CCDC146: variants seen among roughly 807,000 people sequenced by gnomAD.
CCDC146 encodes the protein coiled-coil domain containing 146, also known as coiled-coil domain-containing protein 146.
A neutral mutation model predicts 119.3 loss-of-function variants in CCDC146; 92 were observed. The observed-to-expected ratio is 0.77, with a 90% CI of 0.65 to 0.92. The LOEUF (loss-of-function observed/expected upper bound fraction) is 0.92, where lower values mean the gene tolerates loss of function less well. Among genes scored for constraint, CCDC146 ranks in the 40% least tolerant of loss-of-function variants. The pLI, the probability that CCDC146 is intolerant of heterozygous loss-of-function variation, is 0.00. For missense variants in CCDC146, 1,000 were observed against 1,103.0 expected (o/e 0.91, Z 1.32); for synonymous variants, 372 against 371.8 (o/e 1.00, Z -0.01).
At chr7:77,242,255 G>A in intron 4 of CCDC146, 1 of 403,750 alleles carries the variant, frequency 2.5e-6, no homozygotes, top group Non-Finnish European at 3.7e-6. Context: ...CAGTACCAGA[G>A]CACGCATCTG....
intron 2 of CCDC146, among the ~76,000 whole-genome samples, chr7:77,219,863 G>A (rs927626873): frequency 3.9e-5 from 6 of 152,162 alleles, no homozygotes; most frequent in African/African-American, 1.4e-4. Context: ...GAGATCACAT[G>A]CTTCAAAGGT....
intron 4 of CCDC146, among the ~76,000 whole-genome samples, chr7:77,251,030 GTTGT>G (rs1793051237): frequency 2.7e-5 from 3 of 110,964 alleles, no homozygotes; most frequent in Non-Finnish European, 5.8e-5. Flanking sequence ...TGTGTGTTTG[GTTGT>G]TTGTTTTTGA....
In CCDC146 at chr7:77,282,693, A is replaced by AT. The variant is rs776475812; in HGVS notation, c.2058dup (p.Ala687CysfsTer2). 316 of 1,614,072 alleles carry AT rather than the reference A, an allele frequency of 2.0e-4. 1 individual carries two copies. The highest frequency in any genetic ancestry group is 4.0e-4 in the Admixed American group (24 of 60,012). On this transcript the variant is annotated frameshift_variant, in exon 15 of 19. Coordinates refer to ENST00000285871, the MANE Select transcript of CCDC146 (RefSeq NM_020879.3). LOFTEE classifies it high-confidence loss of function. ...AAAGATCCAATTCCTGAAAATGAAG[A>AT]TTGCTGAGAAGCAAAGACAAATTTG... is the stretch of plus-strand genomic sequence containing the variant.
chr7:77,202,315 T>C (rs1376768160), intron 2 of CCDC146, among the ~76,000 whole-genome samples: 2 of 152,206 alleles, frequency 1.3e-5, no homozygotes, highest in Non-Finnish European at 2.9e-5. Context: ...AATGAAATCT[T>C]AAGTACTTTT....
intron 1 of CCDC146, among the ~76,000 whole-genome samples, chr7:77,154,840 A>G (rs556145211): frequency 3.3e-5 from 5 of 152,102 alleles, no homozygotes; most frequent in Non-Finnish European, 1.5e-5. Flanking sequence ...GGCTGGGTCA[A>G]ATGGTATTTC....
At position 77,192,429 on chromosome 7, in the gene CCDC146, C is replaced by T. The variant is rs549637261; in HGVS notation, c.156+24605C>T. Among the ~76,000 whole-genome samples the T allele has an allele frequency of 2.6e-5, 4 of 152,282 alleles. No homozygotes were observed. In the East Asian group the frequency reaches 5.8e-4, roughly 22 times the overall value. ...CAGCTCCTGAGTTCCTGCTGTTAAT[C>T]ATGGGTGATAAGACAAAACCCAGTG... On this transcript the variant is annotated intron_variant, in intron 2 of 18. Transcript: ENST00000285871.
intron 17 of CCDC146, among the ~76,000 whole-genome samples, chr7:77,290,341 C>G (rs923116448): frequency 6.6e-6 from 1 of 151,504 alleles, no homozygotes; most frequent in Non-Finnish European, 1.5e-5. Flanking sequence ...CAAATCTGCA[C>G]GTTGTGCACA....
chr7:77,277,383 C>T (rs1407956737), intron 11 of CCDC146, among the ~76,000 whole-genome samples: 1 of 152,136 alleles, frequency 6.6e-6, no homozygotes, highest in Non-Finnish European at 1.5e-5. Context: ...TAAAGCAAAC[C>T]TCATTATTAA....
intron 1 of CCDC146, among the ~76,000 whole-genome samples, chr7:77,134,158 T>C (rs1165888222): frequency 1.4e-5 from 2 of 143,694 alleles, no homozygotes; most frequent in African/African-American, 2.6e-5. Context: ...ACTGGATTTA[T>C]TGAAAAAAAA....
intron 18 of CCDC146, among the ~76,000 whole-genome samples, chr7:77,294,168 C>G (rs1344069540): frequency 1.3e-5 from 2 of 152,178 alleles, no homozygotes; most frequent in Non-Finnish European, 2.9e-5. Flanking sequence ...TCTACCTCTT[C>G]CATTGTAACT....
At chr7:77,128,003 T>TA (rs1157951468) in intron 1 of CCDC146, among the ~76,000 whole-genome samples, 8 of 152,128 alleles carry the variant, frequency 5.3e-5, no homozygotes, top group Admixed American at 1.3e-4. Flanking sequence ...TTTGGTTCTT[T>TA]AAAAAATCTA....
chr7:77,244,605 A>G (rs113302984), intron 4 of CCDC146, among the ~76,000 whole-genome samples: 6 of 152,358 alleles, frequency 3.9e-5, no homozygotes, highest in African/African-American at 1.4e-4. Context: ...TCTATAGCCT[A>G]GGTGCAGTAG....
Position 77,286,901 on chromosome 7 carries a change from A to G in CCDC146, c.2252A>G (p.Lys751Arg), listed in dbSNP as rs762654108. Residue 751 changes from lysine to arginine, a missense_variant, in exon 16 of 19, where the codon AAA becomes AGA. By Grantham distance (26) the Lys-to-Arg change is conservative. This residue lies in a region of CCDC146 where 985 missense variants were observed against 1,045.3 expected (regional missense o/e 0.94). Coordinates refer to ENST00000285871, the MANE Select transcript of CCDC146 (RefSeq NM_020879.3). ...RFLPGKDLTE[K>R]EMIQKLDKLE... The stretch of plus-strand genomic sequence containing the variant: ...CTTCCAGGGAAAGATCTGACCGAAA[A>G]AGAAATGATCCAAAAATTAGACAAG... The G allele has an allele frequency of 6.2e-7, 1 of 1,614,054 alleles. No individual in the cohort carries two copies. The highest frequency in any genetic ancestry group is 1.7e-5 in the Admixed American group (1 of 60,008).
chr7:77,137,512 C>A (rs187439649), intron 1 of CCDC146, among the ~76,000 whole-genome samples: 2 of 143,946 alleles, frequency 1.4e-5, no homozygotes, highest in Admixed American at 6.8e-5. Flanking sequence ...TCCATTAGAA[C>A]CCCTTAAAGT....
intron 4 of CCDC146, among the ~76,000 whole-genome samples, chr7:77,252,773 A>G (rs564086307): frequency 2.6e-5 from 4 of 152,358 alleles, no homozygotes; most frequent in Admixed American, 6.5e-5. Context: ...GAAGAACTCA[A>G]TGGAATTTTG....
At chr7:77,268,499 C>T (rs939771459) in intron 9 of CCDC146, among the ~76,000 whole-genome samples, 1 of 152,174 alleles carries the variant, frequency 6.6e-6, no homozygotes, top group African/African-American at 2.4e-5. Context: ...CTGCACTGCT[C>T]TCATTCTAGG....
chr7:77,190,612 G>GGGCCC (rs1791746079), intron 2 of CCDC146, among the ~76,000 whole-genome samples: 1 of 152,162 alleles, frequency 6.6e-6, no homozygotes, highest in Non-Finnish European at 1.5e-5. Context: ...AAGCAAGGGG[G>GGGCCC]GGCCCACTCA....
rs949122877 is a variant in CCDC146 at position 77,244,923 on chromosome 7, C to T, written c.449+3023C>T. 3.3e-5 allele frequency among the ~76,000 whole-genome samples: 5 copies of T among 152,336 alleles called. No individual in the cohort carries two copies. The East Asian group carries it at 5.8e-4, about 18-fold the overall frequency. ...ATTTGTCAGACCAGCACAACAAACT[C>T]TTATTGAGTTTCTAGATAATAGAAG... On this transcript the variant is annotated intron_variant, in intron 4 of 18. Transcript: ENST00000285871.
rs199740045 is a variant in CCDC146, at chr7:77,241,920, C to T, written c.449+20C>T. The T allele has an allele frequency of 3.6e-5, 57 of 1,563,876 alleles. No homozygotes were observed. Among genetic ancestry groups the T allele is most frequent in the Middle Eastern group, 3.4e-4 (2 of 5,902 alleles). Reference sequence around the variant, plus strand: ...AAATAGGTAAGTGCACAGTTCTCTCCGGCACACTGAAAAGTCTTTTCCTCA... The same window carrying T: ...AAATAGGTAAGTGCACAGTTCTCTCTGGCACACTGAAAAGTCTTTTCCTCA... On this transcript the variant is annotated intron_variant, in intron 4 of 18. Coordinates refer to ENST00000285871, the MANE Select transcript of CCDC146 (RefSeq NM_020879.3).
Sources: allele counts gnomAD v4.1 joint callset (sites outside exome capture counted in the v4.1 genomes callset), GRCh38; gene constraint gnomAD v4.1.1; regional missense constraint gnomAD v4.1.1; transcripts MANE v1.5; gene names NCBI Gene and HGNC (gene_info 2026-07-23, HGNC 2026-07-21).